Variants in FBXL7 observed in about 807,000 individuals in gnomAD.
FBXL7 encodes F-box and leucine rich repeat protein 7, also known as F-box/LRR-repeat protein 7.
FBXL7 carries 12 observed loss-of-function variants against 38.3 expected under a neutral mutation model. The observed-to-expected ratio is 0.31, with a 90% CI of 0.20 to 0.51. The LOEUF (loss-of-function observed/expected upper bound fraction) is 0.51, where lower values mean the gene tolerates loss of function less well. Ranked by LOEUF, FBXL7 falls within the 20% of genes least tolerant of loss-of-function variation. The pLI is 0.98. For missense variants in FBXL7, 567 were observed against 676.4 expected (o/e 0.84, Z 1.79); for synonymous variants, 297 against 300.9 (o/e 0.99, Z 0.13).
chr5:15,609,168 C>T (rs1448962285), intron 1 of FBXL7, among the ~76,000 whole-genome samples: 1 of 152,158 alleles, frequency 6.6e-6, no homozygotes, highest in East Asian at 1.9e-4. Context: ...ATTACACACT[C>T]CTTAGTGTGC....
intron 1 of FBXL7, among the ~76,000 whole-genome samples, chr5:15,573,951 A>G (rs1209005907): frequency 2.0e-5 from 3 of 152,260 alleles, no homozygotes; most frequent in Non-Finnish European, 4.4e-5. Flanking sequence ...AAGCTGATAT[A>G]TAGAACTGAG....
At chr5:15,789,901 A>G (rs747989353) in intron 2 of FBXL7, among the ~76,000 whole-genome samples, 20 of 152,166 alleles carry the variant, frequency 1.3e-4, no homozygotes, top group Non-Finnish European at 1.8e-4. Context: ...GATGCTTACA[A>G]TAAAATGCGT....
At chr5:15,534,152 A>G (rs1737515453) in intron 1 of FBXL7, among the ~76,000 whole-genome samples, 1 of 152,174 alleles carries the variant, frequency 6.6e-6, no homozygotes, top group South Asian at 2.1e-4. Context: ...GTTTGTTACA[A>G]TCAGTAAACC....
At chr5:15,855,379 T>C (rs1739226224) in intron 2 of FBXL7, among the ~76,000 whole-genome samples, 1 of 152,174 alleles carries the variant, frequency 6.6e-6, no homozygotes, top group Non-Finnish European at 1.5e-5. Flanking sequence ...AACTCTCACT[T>C]CACTATGTGG....
At position 15,856,684 on chromosome 5, in the gene FBXL7, A is replaced by G. The variant is rs568284705; in HGVS notation, c.128-71206A>G. On this transcript the variant is annotated intron_variant, in intron 2 of 3. Transcript: ENST00000504595. Reference sequence around the variant, plus strand: ...AAAATCTGTTTTCTGTCCATATTCTAAGATACACATGTATTTTTTTACTGC... The same window carrying G: ...AAAATCTGTTTTCTGTCCATATTCTGAGATACACATGTATTTTTTTACTGC... 8.4e-4 allele frequency among the ~76,000 whole-genome samples: 128 copies of G among 152,280 alleles called. 1 individual carries two copies. Among genetic ancestry groups the G allele is most frequent in the African/African-American group, 3.1e-3 (128 of 41,562 alleles).
chr5:15,795,255 G>T (rs576805372), intron 2 of FBXL7, among the ~76,000 whole-genome samples: 1 of 152,200 alleles, frequency 6.6e-6, no homozygotes, highest in South Asian at 2.1e-4. Flanking sequence ...ATGGTGGTTA[G>T]GGCTGGGAGA....
chr5:15,852,218 A>C (rs1472035846), intron 2 of FBXL7, among the ~76,000 whole-genome samples: 1 of 152,216 alleles, frequency 6.6e-6, no homozygotes, highest in Admixed American at 6.5e-5. Context: ...TACAAAATAA[A>C]GATTTTCATT....
At chr5:15,848,863 A>G (rs532222597) in intron 2 of FBXL7, among the ~76,000 whole-genome samples, 29 of 152,336 alleles carry the variant, frequency 1.9e-4, no homozygotes, top group Admixed American at 1.2e-3. Context: ...ACTTCAAACA[A>G]TATTTTTCAG....
intron 2 of FBXL7, among the ~76,000 whole-genome samples, chr5:15,913,790 A>AT (rs1374826256): frequency 6.6e-6 from 1 of 152,222 alleles, no homozygotes; most frequent in Non-Finnish European, 1.5e-5. Context: ...TTGTCAAGAC[A>AT]AGAAAGAGCT....
intron 1 of FBXL7, among the ~76,000 whole-genome samples, chr5:15,527,264 T>C (rs1737276311): frequency 6.6e-6 from 1 of 152,254 alleles, no homozygotes; most frequent in South Asian, 2.1e-4. Flanking sequence ...TTCACTGCCC[T>C]ACATTTAATT....
chr5:15,620,589 G>T lies in FBXL7; in HGVS notation c.127+4517G>T, dbSNP rs1051307260. On this transcript the variant is annotated intron_variant, in intron 2 of 3. Transcript: ENST00000504595. ...TGAAAATGCTTCTTGCAACTGTGGG[G>T]AGAGATCGGGCCAGCAGACCCGTTC... Among the ~76,000 whole-genome samples, 4 of 151,970 alleles carry T rather than the reference G, an allele frequency of 2.6e-5. No individual in the cohort carries two copies. In the South Asian group the frequency reaches 6.2e-4, roughly 24 times the overall value.
At chr5:15,718,562 G>A (rs753622827) in intron 2 of FBXL7, among the ~76,000 whole-genome samples, 9 of 152,256 alleles carry the variant, frequency 5.9e-5, no homozygotes, top group Non-Finnish European at 8.8e-5. Flanking sequence ...ATAAAATAGC[G>A]TAACTAGGCA....
intron 2 of FBXL7, among the ~76,000 whole-genome samples, chr5:15,785,708 T>C (rs183870506): frequency 7.9e-5 from 12 of 152,330 alleles, no homozygotes; most frequent in African/African-American, 2.6e-4. Context: ...GGAGATGAAC[T>C]AGCAGCTGGT....
intron 2 of FBXL7, among the ~76,000 whole-genome samples, chr5:15,737,942 T>A (rs2126671345): frequency 6.6e-6 from 1 of 152,324 alleles, no homozygotes; most frequent in South Asian, 2.1e-4. Flanking sequence ...CTCTGATTGC[T>A]TTTTGTATGT....
At chr5:15,918,010 G>A (rs994529091) in intron 2 of FBXL7, among the ~76,000 whole-genome samples, 1 of 151,990 alleles carries the variant, frequency 6.6e-6, no homozygotes, top group African/African-American at 2.4e-5. Flanking sequence ...AGGCTGAGGC[G>A]GGCAGATCAC....
chr5:15,709,090 A>G (rs2126640584), intron 2 of FBXL7, among the ~76,000 whole-genome samples: 1 of 152,332 alleles, frequency 6.6e-6, no homozygotes, highest in East Asian at 1.9e-4. Flanking sequence ...CTGAGAGCAC[A>G]TTCTTCACTG....
intron 1 of FBXL7, among the ~76,000 whole-genome samples, chr5:15,598,707 G>C (rs189159016): frequency 2.0e-5 from 3 of 152,276 alleles, no homozygotes; most frequent in Admixed American, 2.0e-4. Flanking sequence ...CAGAGAGAGA[G>C]AAAGAGAGCA....
intron 1 of FBXL7, among the ~76,000 whole-genome samples, chr5:15,526,521 G>A (rs956972796): frequency 6.6e-6 from 1 of 152,158 alleles, no homozygotes; most frequent in Non-Finnish European, 1.5e-5. Context: ...CATTTAATCA[G>A]TGTAAAACAG....
intron 1 of FBXL7, among the ~76,000 whole-genome samples, chr5:15,586,714 T>C (rs1428619223): frequency 2.0e-5 from 3 of 152,142 alleles, no homozygotes; most frequent in African/African-American, 7.2e-5. Context: ...GTCTTGCAGC[T>C]CTCAATCTAA....
Sources: gnomAD v4.1 joint callset for allele counts (sites outside exome capture counted in the v4.1 genomes callset) on GRCh38, gnomAD v4.1.1 for gene constraint, MANE v1.5 for transcripts, NCBI Gene and HGNC (gene_info 2026-07-23, HGNC 2026-07-21) for gene names.